The following FSTL5 variants were observed in gnomAD, a reference collection of about 807,000 sequenced individuals.
The protein encoded by FSTL5 is follistatin-related protein 5.
A neutral mutation model predicts 89.1 loss-of-function variants in FSTL5; 62 were observed. The ratio of observed to expected loss-of-function variants is 0.70; its 90% CI spans 0.57 to 0.86. The LOEUF (loss-of-function observed/expected upper bound fraction) is 0.86, where lower values mean the gene tolerates loss of function less well. Ranked by LOEUF, FSTL5 falls within the 40% of genes least tolerant of loss-of-function variation. FSTL5 has a pLI of 0.00. For missense variants in FSTL5, 1,057 were observed against 1,001.6 expected (o/e 1.06, Z -0.75); for synonymous variants, 383 against 346.2 (o/e 1.11, Z -1.18).
At position 161,542,661 on chromosome 4, in the gene FSTL5, G is replaced by T; in HGVS notation, c.1048C>A (p.Gln350Lys). The stretch of plus-strand genomic sequence containing the variant: ...GCAGTTACCCCAGGCTCTCTAGCCT[G>T]ACTCTCTGGATACACCCGGATGACT... Reference protein sequence around the residue: ...PPVIRVYPESQAREPGVTASL... With the variant: ...PPVIRVYPESKAREPGVTASL... Residue 350 changes from glutamine (Q) to lysine (K), a missense_variant, in exon 9 of 16, where the codon CAG becomes AAG. Physicochemically the swap from Gln to Lys is moderately conservative, Grantham distance 53. Transcript: ENST00000306100. 1 of 1,536,954 alleles carries T rather than the reference G, an allele frequency of 6.5e-7. No individual in the cohort carries two copies. Among genetic ancestry groups the T allele is most frequent in the Non-Finnish European group, 8.8e-7 (1 of 1,137,048 alleles).
At chr4:161,655,846 G>T (rs1381964664) in intron 7 of FSTL5, among the ~76,000 whole-genome samples, 1 of 152,036 alleles carries the variant, frequency 6.6e-6, no homozygotes, top group Non-Finnish European at 1.5e-5. Flanking sequence ...CCCCCTCACT[G>T]ATTTCTAATG....
chr4:162,035,213 C>G (rs1737688564), intron 2 of FSTL5: 1 of 151,996 alleles, frequency 6.6e-6, no homozygotes, highest in African/African-American at 2.4e-5. Context: ...GTGCCAGACA[C>G]TATTCCCGTT....
At chr4:161,623,085 G>T (rs980802951) in intron 7 of FSTL5, among the ~76,000 whole-genome samples, 8 of 152,062 alleles carry the variant, frequency 5.3e-5, no homozygotes, top group Admixed American at 2.0e-4. Flanking sequence ...AATCATTGAT[G>T]ATAACATTCT....
chr4:162,147,582 AT>A (rs1447855277), intron 1 of FSTL5, among the ~76,000 whole-genome samples: 1 of 152,230 alleles, frequency 6.6e-6, no homozygotes, highest in East Asian at 1.9e-4. Flanking sequence ...TACAGGTCAC[AT>A]TTTTGTGTAC....
At chr4:162,050,091 A>G (rs965697773) in intron 2 of FSTL5, among the ~76,000 whole-genome samples, 7 of 151,932 alleles carry the variant, frequency 4.6e-5, no homozygotes, top group Non-Finnish European at 1.0e-4. Flanking sequence ...AACTCCAGAA[A>G]AATAGAAACA....
Position 161,658,473 on chromosome 4 carries a change from A to T in FSTL5, c.728-1979T>A, listed in dbSNP as rs140151699. 6.0e-3 allele frequency among the ~76,000 whole-genome samples: 914 copies of T among 151,884 alleles called. 9 individuals carry two copies. The highest frequency in any genetic ancestry group is 0.045 in the South Asian group (216 of 4,812). On this transcript the variant is annotated intron_variant, in intron 6 of 15. Transcript: ENST00000306100. ...GAATCCGTCTCAAAAAAAAAAAAAT[A>T]GGGAATATTTTCGGTCTGTTTTAGA...
chr4:161,833,615 A>G (rs183520791), intron 4 of FSTL5, among the ~76,000 whole-genome samples: 1 of 152,042 alleles, frequency 6.6e-6, no homozygotes, highest in African/African-American at 2.4e-5. Context: ...TTGTTGAATT[A>G]ATCCTTTTAC....
intron 4 of FSTL5, among the ~76,000 whole-genome samples, chr4:161,784,059 T>C (rs1741793187): frequency 1.3e-5 from 2 of 151,648 alleles, no homozygotes; most frequent in South Asian, 4.2e-4. Context: ...CCTCAGCCTC[T>C]TAGGTAGCTG....
At chr4:161,983,023 T>C (rs1267197757) in intron 3 of FSTL5, among the ~76,000 whole-genome samples, 8 of 152,272 alleles carry the variant, frequency 5.3e-5, no homozygotes, top group African/African-American at 7.2e-5. Flanking sequence ...AAAAATGAAG[T>C]TATCATTAGA....
At chr4:161,601,453 G>A (rs544856038) in intron 7 of FSTL5, among the ~76,000 whole-genome samples, 12 of 151,648 alleles carry the variant, frequency 7.9e-5, no homozygotes, top group Admixed American at 2.6e-4. Flanking sequence ...AACCCTTACC[G>A]ATGTGAACAA....
chr4:161,431,473 C>T (rs143194066), intron 15 of FSTL5, among the ~76,000 whole-genome samples: 37 of 149,434 alleles, frequency 2.5e-4, no homozygotes, highest in Middle Eastern at 3.7e-3. Flanking sequence ...ATAAACAGAA[C>T]GTAAAAATCA....
intron 5 of FSTL5, among the ~76,000 whole-genome samples, chr4:161,773,322 A>G (rs2126801806): frequency 6.6e-6 from 1 of 150,828 alleles, no homozygotes; most frequent in East Asian, 1.9e-4. Flanking sequence ...AGCAAATGCA[A>G]CAAAAACAAA....
At chr4:161,836,489 A>C (rs1004429583) in intron 4 of FSTL5, among the ~76,000 whole-genome samples, 1 of 151,970 alleles carries the variant, frequency 6.6e-6, no homozygotes, top group African/African-American at 2.4e-5. Flanking sequence ...AAAGAAAAAA[A>C]AAAGTAAGAA....
chr4:161,404,437 T>C (rs921337826), intron 15 of FSTL5, among the ~76,000 whole-genome samples: 1 of 152,150 alleles, frequency 6.6e-6, no homozygotes, highest in Non-Finnish European at 1.5e-5. Context: ...TATCTCCCAA[T>C]ATCCTGTAGA....
rs189014660 is a variant in FSTL5 at position 161,658,608 on chromosome 4, C to T, written c.728-2114G>A. 6.0e-3 allele frequency among the ~76,000 whole-genome samples: 914 copies of T among 152,194 alleles called. 9 individuals are homozygous for T. Among genetic ancestry groups the T allele is most frequent in the South Asian group, 0.045 (217 of 4,824 alleles). ...ACAGAAACATAAACACACATATACA[C>T]TCATACAGAGACATGTATATACATA... is the stretch of plus-strand genomic sequence containing the variant. On this transcript the variant is annotated intron_variant, in intron 6 of 15. Transcript: ENST00000306100.
chr4:161,551,321 T>G (rs1395423691), intron 8 of FSTL5, among the ~76,000 whole-genome samples: 2 of 150,806 alleles, frequency 1.3e-5, no homozygotes, highest in African/African-American at 2.4e-5. Flanking sequence ...GATTTGCATT[T>G]CTCTGATGGC....
intron 11 of FSTL5, among the ~76,000 whole-genome samples, chr4:161,501,376 T>A (rs545670384): frequency 8.2e-4 from 125 of 152,198 alleles, no homozygotes; most frequent in African/African-American, 3.0e-3. Flanking sequence ...ATCTTATATG[T>A]TTCTAGGGAA....
At chr4:161,514,930 T>C (rs1380049025) in intron 10 of FSTL5, among the ~76,000 whole-genome samples, 1 of 152,012 alleles carries the variant, frequency 6.6e-6, no homozygotes, top group Non-Finnish European at 1.5e-5. Context: ...GCATAATATA[T>C]TGATGGTTTA....
chr4:161,511,636 C>T (rs1273270907), intron 10 of FSTL5, among the ~76,000 whole-genome samples: 1 of 152,026 alleles, frequency 6.6e-6, no homozygotes, highest in Non-Finnish European at 1.5e-5. Context: ...TATACATCAT[C>T]TTTTCATCTT....
Sources: allele counts gnomAD v4.1 joint callset (sites outside exome capture counted in the v4.1 genomes callset), GRCh38; gene constraint gnomAD v4.1.1; transcripts MANE v1.5; gene names NCBI Gene and HGNC (gene_info 2026-07-23, HGNC 2026-07-21).